Variants in RBM47 observed in about 807,000 individuals in gnomAD.
RBM47 encodes the protein RNA binding motif protein 47.
In RBM47, 21 loss-of-function variants were observed where a neutral mutation model predicts 47.1. The ratio of observed to expected loss-of-function variants is 0.45; its 90% CI spans 0.32 to 0.64. RBM47 has a LOEUF of 0.64. Ranked by LOEUF, RBM47 falls within the 30% of genes least tolerant of loss-of-function variation. The pLI, the probability that RBM47 is intolerant of heterozygous loss-of-function variation, is 0.05. For synonymous variants in RBM47, 375 were observed against 361.7 expected, an observed-to-expected ratio of 1.04 and a Z score of -0.42; for missense variants, 708 against 870.9, an observed-to-expected ratio of 0.81 and a Z score of 2.35.
chr4:40,531,183 C>T (rs578037599), intron 2 of RBM47, among the ~76,000 whole-genome samples: 18 of 151,980 alleles, frequency 1.2e-4, no homozygotes, highest in South Asian at 4.1e-4. Flanking sequence ...TTGCCATTCC[C>T]GATGCAGATT....
At chr4:40,605,067 G>A (rs929896322) in intron 1 of RBM47, among the ~76,000 whole-genome samples, 3 of 151,874 alleles carry the variant, frequency 2.0e-5, no homozygotes, top group Admixed American at 6.6e-5. Flanking sequence ...TTGTTGCCCC[G>A]ACGGGAGTGC....
chr4:40,584,646 T>TA (rs1349464455), intron 1 of RBM47, among the ~76,000 whole-genome samples: 4 of 152,034 alleles, frequency 2.6e-5, no homozygotes, highest in Admixed American at 6.6e-5. Flanking sequence ...AAATTTACAG[T>TA]AAAAAAAGTA....
At chr4:40,620,818 G>C (rs1379908321) in intron 1 of RBM47, among the ~76,000 whole-genome samples, 4 of 152,144 alleles carry the variant, frequency 2.6e-5, no homozygotes, top group African/African-American at 9.7e-5. Context: ...ACAGGCGTGA[G>C]CCACTGCACC....
At chr4:40,592,757 C>A (rs1031082501) in intron 1 of RBM47, among the ~76,000 whole-genome samples, 15 of 150,228 alleles carry the variant, frequency 1.0e-4, no homozygotes, top group Admixed American at 9.4e-4. Context: ...CAGGGCCTCG[C>A]TATGTTATTC....
intron 1 of RBM47, among the ~76,000 whole-genome samples, chr4:40,605,432 C>A (rs1454833981): frequency 3.3e-5 from 5 of 152,222 alleles, no homozygotes; most frequent in Non-Finnish European, 1.5e-5. Context: ...ATTCTGTAAG[C>A]CCTGATTTCT....
intron 3 of RBM47, among the ~76,000 whole-genome samples, chr4:40,455,025 G>A (rs1716025604): frequency 6.6e-6 from 1 of 152,156 alleles, no homozygotes; most frequent in Non-Finnish European, 1.5e-5. Context: ...GGAATTTCCA[G>A]TACAGACACA....
chr4:40,518,070 G>C (rs1725793180), intron 2 of RBM47, among the ~76,000 whole-genome samples: 1 of 151,290 alleles, frequency 6.6e-6, no homozygotes, highest in African/African-American at 2.4e-5. Flanking sequence ...ATTTCAATGA[G>C]GATGAGAAAA....
intron 5 of RBM47, among the ~76,000 whole-genome samples, chr4:40,434,632 C>A (rs1207575773): frequency 5.4e-5 from 7 of 129,900 alleles, no homozygotes; most frequent in Non-Finnish European, 1.1e-4. Flanking sequence ...CCCACAGTGC[C>A]AATGACATTT....
intron 1 of RBM47, among the ~76,000 whole-genome samples, chr4:40,590,335 C>T (rs1560491267): frequency 1.3e-5 from 2 of 151,904 alleles, no homozygotes; most frequent in African/African-American, 2.4e-5. Context: ...TTTGAGGTGA[C>T]GGCAGGCCAT....
Position 40,498,054 on chromosome 4 carries a change from T to TATATATATATA in RBM47, c.-154-31356_-154-31355insTATATATATAT, listed in dbSNP as rs1553890650. Among the ~76,000 whole-genome samples, 987 of 109,700 alleles carry TATATATATATA rather than the reference T, an allele frequency of 9.0e-3. 21 individuals carry two copies. Among genetic ancestry groups the TATATATATATA allele is most frequent in the Middle Eastern group, 0.019 (4 of 208 alleles). 72.0% of individuals were successfully genotyped at this position (109,700 alleles called of 152,430 possible). A position where few individuals can be genotyped will look rare whatever the true frequency, so the allele number is the denominator to read the frequency against. On this transcript the variant is annotated intron_variant, in intron 2 of 6. Transcript: ENST00000295971. Reference sequence around the variant, plus strand: ...TGCAAATAAAATGTAAGTGCTTGTTTTATATATATATATATATATATATAT... The same window carrying TATATATATATA: ...TGCAAATAAAATGTAAGTGCTTGTTTATATATATATATATATATATATATATATATATATAT...
chr4:40,618,247 A>C (rs1736921541), intron 1 of RBM47, among the ~76,000 whole-genome samples: 1 of 152,010 alleles, frequency 6.6e-6, no homozygotes, highest in African/African-American at 2.4e-5. Flanking sequence ...AAAAAAAAGA[A>C]AAAAGAAAAT....
At chr4:40,600,066 G>A (rs1225651949) in intron 1 of RBM47, among the ~76,000 whole-genome samples, 1 of 152,004 alleles carries the variant, frequency 6.6e-6, no homozygotes, top group Non-Finnish European at 1.5e-5. Context: ...GGAGTCCACT[G>A]GCGCCATCAT....
At chr4:40,467,446 C>T (rs944761520) in intron 2 of RBM47, among the ~76,000 whole-genome samples, 4 of 152,020 alleles carry the variant, frequency 2.6e-5, no homozygotes, top group Non-Finnish European at 4.4e-5. Flanking sequence ...CCCACCACCA[C>T]GCCTGGCTAA....
intron 1 of RBM47, among the ~76,000 whole-genome samples, chr4:40,569,016 T>TAGATAGATAGACAGACAGAC (rs1472373539): frequency 2.0e-5 from 2 of 98,810 alleles, no homozygotes; most frequent in African/African-American, 6.9e-5. Flanking sequence ...GATAGATAGA[T>TAGATAGATAGACAGACAGAC]AGACAGACAG....
At chr4:40,473,518 G>C (rs1356020210) in intron 2 of RBM47, among the ~76,000 whole-genome samples, 2 of 152,338 alleles carry the variant, frequency 1.3e-5, no homozygotes, top group East Asian at 3.9e-4. Context: ...GGCCTACCAG[G>C]TAGGAATTTT....
chr4:40,572,748 T>G (rs886669793), intron 1 of RBM47, among the ~76,000 whole-genome samples: 1 of 151,804 alleles, frequency 6.6e-6, no homozygotes, highest in Admixed American at 6.6e-5. Context: ...ATAAAAATTT[T>G]AAAAAATAAT....
At chr4:40,476,127 T>C (rs1247308479) in intron 2 of RBM47, among the ~76,000 whole-genome samples, 1 of 152,204 alleles carries the variant, frequency 6.6e-6, no homozygotes, top group Non-Finnish European at 1.5e-5. Context: ...ATTACATTTG[T>C]ACAGCTACAT....
chr4:40,569,793 C>T (rs1398307533), intron 1 of RBM47, among the ~76,000 whole-genome samples: 2 of 151,514 alleles, frequency 1.3e-5, no homozygotes, highest in Non-Finnish European at 3.0e-5. Context: ...TCACTGCAAC[C>T]TCTGCCTCCC....
chr4:40,456,492 T>A (rs1716256792), intron 3 of RBM47, among the ~76,000 whole-genome samples: 2 of 151,866 alleles, frequency 1.3e-5, no homozygotes, highest in Admixed American at 1.3e-4. Flanking sequence ...TACATACTAT[T>A]CCTATATATC....
Sources: gnomAD v4.1 joint callset for allele counts (sites outside exome capture counted in the v4.1 genomes callset) on GRCh38, gnomAD v4.1.1 for gene constraint, MANE v1.5 for transcripts, NCBI Gene and HGNC (gene_info 2026-07-23, HGNC 2026-07-21) for gene names.